FLI1: variants seen among roughly 807,000 people sequenced by gnomAD.
FLI1 encodes Friend leukemia integration 1 transcription factor.
Under a neutral mutation model 53.1 loss-of-function variants are expected in FLI1, and 13 were observed. That is an observed-to-expected ratio of 0.24 (90% CI 0.16 to 0.39). FLI1 has a LOEUF of 0.39. FLI1 is among the 10% of genes least tolerant of loss of function. FLI1 has a pLI of 1.00. For missense variants in FLI1, 424 were observed against 600.5 expected, an observed-to-expected ratio of 0.71 and a Z score of 3.07; for synonymous variants, 244 against 236.7, an observed-to-expected ratio of 1.03 and a Z score of -0.28.
At chr11:128,783,162 G>T (rs1941974209) in intron 5 of FLI1, among the ~76,000 whole-genome samples, 1 of 152,124 alleles carries the variant, frequency 6.6e-6, no homozygotes, top group African/African-American at 2.4e-5. Flanking sequence ...AAGTTCTCAG[G>T]ATCAGTTACA....
At chr11:128,724,229 G>A (rs764091672) in intron 1 of FLI1, among the ~76,000 whole-genome samples, 2 of 152,174 alleles carry the variant, frequency 1.3e-5, no homozygotes, top group Non-Finnish European at 2.9e-5. Context: ...ACAGGCATGA[G>A]CCACCGTGCC....
At chr11:128,805,226 A>G (rs1942746571) in intron 5 of FLI1, 140 bp from the exon 6 acceptor site, 2 of 564,382 alleles carry the variant, frequency 3.5e-6, no homozygotes, top group Non-Finnish European at 6.3e-6. Flanking sequence ...GGGGGTGAGT[A>G]CACTTCCAGA....
intron 1 of FLI1, among the ~76,000 whole-genome samples, chr11:128,716,940 G>T (rs994702294): frequency 3.3e-5 from 5 of 152,190 alleles, no homozygotes; most frequent in African/African-American, 1.2e-4. Flanking sequence ...CTGTGGGCAT[G>T]GGCACATTGC....
At chr11:128,794,461 A>G (rs924750504) in intron 5 of FLI1, among the ~76,000 whole-genome samples, 1 of 152,122 alleles carries the variant, frequency 6.6e-6, no homozygotes, top group African/African-American at 2.4e-5. Flanking sequence ...TCTTTCATCT[A>G]TCTGGAGAGA....
At chr11:128,771,284 C>G (rs1308769625) in intron 3 of FLI1, among the ~76,000 whole-genome samples, 4 of 152,230 alleles carry the variant, frequency 2.6e-5, no homozygotes, top group Non-Finnish European at 4.4e-5. Context: ...TCTCCTAACT[C>G]CTCCCCTTTG....
At chr11:128,796,393 T>A (rs1023440472) in intron 5 of FLI1, among the ~76,000 whole-genome samples, 1 of 152,258 alleles carries the variant, frequency 6.6e-6, no homozygotes, top group African/African-American at 2.4e-5. Flanking sequence ...TTTTTTGCTA[T>A]GAGTCATAAT....
At chr11:128,694,003 C>A, upstream of FLI1, 2 of 362,308 alleles carry the variant, frequency 5.5e-6, no homozygotes, top group Non-Finnish European at 1.0e-5. Flanking sequence ...ATAGGACTTC[C>A]TCCCCGATTC....
intron 1 of FLI1, among the ~76,000 whole-genome samples, chr11:128,736,646 T>G: frequency 6.6e-6 from 1 of 152,214 alleles, no homozygotes; most frequent in East Asian, 1.9e-4. Context: ...ACTGCATTGT[T>G]TATTGGTTTC....
At chr11:128,806,989 C>T in intron 6 of FLI1, 191 bp from the exon 7 acceptor site, 1 of 396,946 alleles carries the variant, frequency 2.5e-6, no homozygotes, top group Non-Finnish European at 4.5e-6. Context: ...CTTGTTCATT[C>T]CTGAATCTCC....
intron 7 of FLI1, among the ~76,000 whole-genome samples, chr11:128,807,683 G>A (rs1942822127): frequency 6.6e-6 from 1 of 152,176 alleles, no homozygotes; most frequent in Admixed American, 6.5e-5. Context: ...AACTTTGAAA[G>A]CCATGGACCT....
chr11:128,699,438 G>T (rs1487774939), intron 1 of FLI1, among the ~76,000 whole-genome samples: 1 of 152,034 alleles, frequency 6.6e-6, no homozygotes, highest in Non-Finnish European at 1.5e-5. Context: ...AATTAAGTAG[G>T]CTAAGGGACA....
chr11:128,806,479 G>A (rs1179671980), intron 6 of FLI1: 1 of 152,252 alleles, frequency 6.6e-6, no homozygotes, highest in African/African-American at 2.4e-5. Flanking sequence ...GTGTGATGCA[G>A]AAGAAGTCTG....
At chr11:128,774,202 A>G (rs35165019) in intron 4 of FLI1, among the ~76,000 whole-genome samples, 2 of 152,166 alleles carry the variant, frequency 1.3e-5, no homozygotes, top group African/African-American at 4.8e-5. Context: ...ATGAAAAATC[A>G]AAAAACTGGC....
chr11:128,757,499 A>T (rs1370975245), intron 1 of FLI1, among the ~76,000 whole-genome samples: 1 of 152,090 alleles, frequency 6.6e-6, no homozygotes, highest in Non-Finnish European at 1.5e-5. Context: ...CCCACACCAG[A>T]TCTTCTCATT....
chr11:128,797,680 A>G (rs577088625), intron 5 of FLI1, among the ~76,000 whole-genome samples: 1 of 152,328 alleles, frequency 6.6e-6, no homozygotes, highest in South Asian at 2.1e-4. Context: ...AAGGTAGTAG[A>G]CATTCAGTAA....
At chr11:128,808,166 C>G (rs902529241) in intron 7 of FLI1, among the ~76,000 whole-genome samples, 1 of 152,050 alleles carries the variant, frequency 6.6e-6, no homozygotes, top group Non-Finnish European at 1.5e-5. Context: ...TTAGTCATCA[C>G]CTGCCAAAAA....
chr11:128,709,901 T>G (rs999226187), intron 1 of FLI1, among the ~76,000 whole-genome samples: 1 of 152,210 alleles, frequency 6.6e-6, no homozygotes, highest in African/African-American at 2.4e-5. Context: ...TTAAGGGATG[T>G]GAATTTAATT....
At chr11:128,799,058 C>CTTTTTTTTTTTTTTTTTTTTT (rs1942544964) in intron 5 of FLI1, among the ~76,000 whole-genome samples, 2 of 102,752 alleles carry the variant, frequency 1.9e-5, no homozygotes, top group African/African-American at 7.8e-5. Context: ...TATTATTTTG[C>CTTTTTTTTTTTTTTTTTTTTT]TTTGGAGACA....
intron 1 of FLI1, among the ~76,000 whole-genome samples, chr11:128,712,611 T>C (rs1263364071): frequency 6.6e-6 from 1 of 152,118 alleles, no homozygotes; most frequent in Non-Finnish European, 1.5e-5. Flanking sequence ...AGTCACACCT[T>C]ACACGGATGG....
Sources: gnomAD v4.1 joint callset for allele counts (sites outside exome capture counted in the v4.1 genomes callset) on GRCh38, gnomAD v4.1.1 for gene constraint, MANE v1.5 for transcripts, NCBI Gene and HGNC (gene_info 2026-07-23, HGNC 2026-07-21) for gene names.